Variants in CDH6 observed in about 807,000 individuals in gnomAD.
CDH6 encodes the protein cadherin 6, also known as cadherin-6.
Under a neutral mutation model 78.0 loss-of-function variants are expected in CDH6, and 31 were observed. That is an observed-to-expected ratio of 0.40 (90% CI 0.30 to 0.54). CDH6 has a LOEUF of 0.54. Ranked by LOEUF, CDH6 falls within the 20% of genes least tolerant of loss-of-function variation. The pLI, the probability that CDH6 is intolerant of heterozygous loss-of-function variation, is 0.56. For synonymous variants in CDH6, 376 were observed against 368.8 expected (o/e 1.02, Z -0.23); for missense variants, 724 against 975.9 (o/e 0.74, Z 3.44).
intron 2 of CDH6, among the ~76,000 whole-genome samples, chr5:31,267,955 A>G (rs569437915): frequency 6.6e-6 from 1 of 152,196 alleles, no homozygotes; most frequent in Non-Finnish European, 1.5e-5. Flanking sequence ...TAGGATTATC[A>G]TAAATCCTTT....
At chr5:31,286,503 G>A (rs541624250) in intron 2 of CDH6, among the ~76,000 whole-genome samples, 6 of 152,326 alleles carry the variant, frequency 3.9e-5, no homozygotes, top group African/African-American at 1.2e-4. Flanking sequence ...AGTTAGTGAT[G>A]TTATCTTCAA....
intron 8 of CDH6, among the ~76,000 whole-genome samples, chr5:31,315,321 C>T (rs1333355554): frequency 6.6e-6 from 1 of 152,186 alleles, no homozygotes; most frequent in Non-Finnish European, 1.5e-5. Context: ...CGTGCCCCAA[C>T]ATCGCAAATA....
intron 5 of CDH6, 127 bp downstream of exon 5, chr5:31,299,758 A>G: frequency 2.7e-6 from 2 of 745,948 alleles, no homozygotes; most frequent in East Asian, 2.7e-5. Context: ...TGGTACTTTT[A>G]TTAAAAATGA....
At chr5:31,214,228 C>G (rs1740801432) in intron 1 of CDH6, among the ~76,000 whole-genome samples, 1 of 151,668 alleles carries the variant, frequency 6.6e-6, no homozygotes, top group Non-Finnish European at 1.5e-5. Flanking sequence ...GGTCACAAGG[C>G]ATGTCAAACA....
intron 1 of CDH6, among the ~76,000 whole-genome samples, chr5:31,201,047 G>A (rs1740336922): frequency 6.6e-6 from 1 of 152,010 alleles, no homozygotes; most frequent in Non-Finnish European, 1.5e-5. Context: ...CTCTGCTGTG[G>A]CTTGATTTCT....
chr5:31,222,353 AAT>A (rs1741025262), intron 1 of CDH6, among the ~76,000 whole-genome samples: 1 of 152,196 alleles, frequency 6.6e-6, no homozygotes, highest in African/African-American at 2.4e-5. Flanking sequence ...CCTGCATATA[AAT>A]CAGAGAAAGT....
chr5:31,295,085 G>A (rs1416672554), intron 3 of CDH6, among the ~76,000 whole-genome samples: 1 of 152,124 alleles, frequency 6.6e-6, no homozygotes, highest in Non-Finnish European at 1.5e-5. Flanking sequence ...AGATATCAGA[G>A]ACATTGTAGT....
At chr5:31,318,308 T>C in intron 11 of CDH6, 1 of 398,802 alleles carries the variant, frequency 2.5e-6, no homozygotes, top group Non-Finnish European at 4.5e-6. Flanking sequence ...GCCCTTTCTA[T>C]AAAGGTAAAG....
intron 1 of CDH6, among the ~76,000 whole-genome samples, chr5:31,199,040 A>G (rs944375470): frequency 1.3e-5 from 2 of 152,024 alleles, no homozygotes; most frequent in African/African-American, 4.8e-5. Context: ...ATTGTCCTGC[A>G]TGCTAAATAG....
intron 11 of CDH6, chr5:31,318,375 G>T: frequency 3.5e-6 from 1 of 282,700 alleles, no homozygotes. Flanking sequence ...TCTCATCCTA[G>T]AAAAATAAAA....
At chr5:31,202,208 A>G (rs1434903183) in intron 1 of CDH6, among the ~76,000 whole-genome samples, 2 of 152,208 alleles carry the variant, frequency 1.3e-5, no homozygotes, top group African/African-American at 4.8e-5. Context: ...TCAAAAAGCA[A>G]TTGCCTTCTA....
intron 1 of CDH6, among the ~76,000 whole-genome samples, chr5:31,206,812 AT>A (rs1381293896): frequency 6.6e-6 from 1 of 152,128 alleles, no homozygotes; most frequent in Non-Finnish European, 1.5e-5. Context: ...GAGTTTCATG[AT>A]TTGTAAGGTT....
intron 1 of CDH6, among the ~76,000 whole-genome samples, chr5:31,245,898 T>TC (rs1741733144): frequency 7.6e-6 from 1 of 131,792 alleles, no homozygotes; most frequent in Non-Finnish European, 1.6e-5. Flanking sequence ...TCTCTCTCTC[T>TC]CTTTTTTTTT....
intron 1 of CDH6, among the ~76,000 whole-genome samples, chr5:31,240,149 C>G (rs922276231): frequency 7.2e-5 from 11 of 152,166 alleles, no homozygotes; most frequent in African/African-American, 2.6e-4. Context: ...GTCATGAGAT[C>G]CATTCCACAC....
intron 2 of CDH6, 126 bp downstream of exon 2, chr5:31,267,827 CTTT>C: frequency 3.7e-6 from 2 of 543,410 alleles, no homozygotes; most frequent in Non-Finnish European, 3.1e-6. Context: ...ACTGGTAAGA[CTTT>C]TTTTTTTTCC....
intron 11 of CDH6, among the ~76,000 whole-genome samples, chr5:31,322,614 CCTT>C (rs1304955173): frequency 6.6e-6 from 1 of 152,162 alleles, no homozygotes; most frequent in Admixed American, 6.5e-5. Flanking sequence ...TAAATTATAA[CCTT>C]CTTTCAAATA....
At chr5:31,321,825 C>T (rs1579917850) in intron 11 of CDH6, among the ~76,000 whole-genome samples, 1 of 152,242 alleles carries the variant, frequency 6.6e-6, no homozygotes, top group East Asian at 1.9e-4. Context: ...TCTGCACAAA[C>T]CCAGTTTAAC....
chr5:31,317,296 C>A, intron 9 of CDH6, 79 bp from the exon 10 acceptor site: 1 of 725,618 alleles, frequency 1.4e-6, no homozygotes, highest in Non-Finnish European at 2.4e-6. Flanking sequence ...ATCATTTTGT[C>A]AAGCAATTTA....
chr5:31,242,373 G>A (rs1238707766), intron 1 of CDH6, among the ~76,000 whole-genome samples: 2 of 152,084 alleles, frequency 1.3e-5, no homozygotes, highest in African/African-American at 2.4e-5. Context: ...ACCTCACAAT[G>A]TTGTCTCTCA....
Sources: allele counts gnomAD v4.1 joint callset (sites outside exome capture counted in the v4.1 genomes callset), GRCh38; gene constraint gnomAD v4.1.1; transcripts MANE v1.5; gene names NCBI Gene and HGNC (gene_info 2026-07-23, HGNC 2026-07-21).